Variants in PHEX observed in about 807,000 individuals in gnomAD.
PHEX encodes phosphate-regulating neutral endopeptidase PHEX.
A neutral mutation model predicts 68.0 loss-of-function variants in PHEX; 16 were observed. The ratio of observed to expected loss-of-function variants is 0.24; its 90% CI spans 0.16 to 0.36. The LOEUF (loss-of-function observed/expected upper bound fraction) is 0.36, where lower values mean the gene tolerates loss of function less well. Among genes scored for constraint, PHEX ranks in the 10% least tolerant of loss-of-function variants. PHEX has a pLI of 1.00. For synonymous variants in PHEX, 208 were observed against 205.1 expected, an observed-to-expected ratio of 1.01 and a Z score of -0.12; for missense variants, 480 against 575.5, an observed-to-expected ratio of 0.83 and a Z score of 1.70.
rs1930026062 is a variant in PHEX, at chrX:22,094,087, T to G, written c.837T>G (p.Ile279Met). ...TGAAGTCAGTGCTCAGATTGGAAAT[T>G]AAGATAGCTGAGGTAAGTCTTCACT... The part of the protein sequence containing the change: ...HDMKSVLRLE[I>M]KIAEIMIPHE... Residue 279 changes from isoleucine (I) to methionine (M), a missense_variant, in exon 7 of 22, where the codon ATT becomes ATG. Ile to Met is a conservative substitution (Grantham distance 10). Transcript: ENST00000379374. The G allele has an allele frequency of 1.8e-6, 2 of 1,123,760 alleles. No individual in the cohort carries two copies. Among genetic ancestry groups the G allele is most frequent in the Non-Finnish European group, 2.4e-6 (2 of 817,293 alleles). 92.6% of individuals were successfully genotyped at this position (1,123,760 alleles called of 1,213,427 possible). A position where few individuals can be genotyped will look rare whatever the true frequency, so the allele number is the denominator to read the frequency against.
rs756514204 is a variant in PHEX at position 22,124,238 on chromosome X, G to C, written c.1303-9285G>C. Among the ~76,000 whole-genome samples the C allele has an allele frequency of 1.4e-4, 16 of 111,907 alleles. No individual in the cohort carries two copies. The South Asian group carries it at 3.3e-3, about 23-fold the overall frequency. On this transcript the variant is annotated intron_variant, in intron 11 of 21. Coordinates refer to ENST00000379374, the MANE Select transcript of PHEX (RefSeq NM_000444.6). ...GTGACAGCTCATTTATGCAATCTTCGGTCAAGTAACATCCAGCAAAACAAG... is the reference window on the plus strand; with the variant it reads ...GTGACAGCTCATTTATGCAATCTTCCGTCAAGTAACATCCAGCAAAACAAG...
chrX:22,153,131 A>C lies in PHEX; in HGVS notation c.1405-15181A>C, dbSNP rs780951170. ...CTCAGCTTCCTGAGTAATTGGGACT[A>C]TAGGCATGCACCACAATGCCAAACT... On this transcript the variant is annotated intron_variant, in intron 12 of 21. Transcript: ENST00000379374. Among the ~76,000 whole-genome samples, 5 of 110,812 alleles carry C rather than the reference A, an allele frequency of 4.5e-5. No homozygotes were observed. The East Asian group carries it at 1.1e-3, about 25-fold the overall frequency.
At position 22,077,605 on chromosome X, in the gene PHEX, A is replaced by G; in HGVS notation, c.566A>G (p.Gln189Arg). The G allele has an allele frequency of 1.7e-6, 2 of 1,211,131 alleles. No homozygotes were observed. The highest frequency in any genetic ancestry group is 2.2e-6 in the Non-Finnish European group (2 of 894,863). Residue 189 changes from glutamine (Q) to arginine (R), a missense_variant, in exon 5 of 22, where the codon CAG becomes CGG. Coordinates refer to ENST00000379374, the MANE Select transcript of PHEX (RefSeq NM_000444.6). ...TCAGAGAGAAAGTTCAGCCTTCTGC[A>G]GACACTTGCAACGTTTCGTGGTCAA... ...VWSERKFSLL[Q>R]TLATFRGQYS...
chrX:22,050,928 G>A (rs1249276879), intron 3 of PHEX, among the ~76,000 whole-genome samples: 1 of 111,927 alleles, frequency 8.9e-6, no homozygotes, highest in Non-Finnish European at 1.9e-5. Flanking sequence ...GAAGAAGCTA[G>A]CATTTTGTTT....
At chrX:22,175,650 C>T (rs954824661) in intron 13 of PHEX, among the ~76,000 whole-genome samples, 14 of 111,718 alleles carry the variant, frequency 1.3e-4, no homozygotes, top group African/African-American at 3.9e-4. Flanking sequence ...TGTGCCCAGC[C>T]CTTTAGAAAG....
chrX:22,124,400 T>C (rs1602315593), intron 11 of PHEX, among the ~76,000 whole-genome samples: 1 of 112,331 alleles, frequency 8.9e-6, no homozygotes, highest in East Asian at 2.8e-4. Context: ...CTGGCTAGCA[T>C]TGGGCAGTGT....
chrX:22,200,644 A>G (rs1380501748), intron 15 of PHEX, among the ~76,000 whole-genome samples: 1 of 111,395 alleles, frequency 9.0e-6, no homozygotes, highest in Non-Finnish European at 1.9e-5. Flanking sequence ...AAAAATAGCC[A>G]TGAGATGATA....
intron 12 of PHEX, among the ~76,000 whole-genome samples, chrX:22,150,368 T>A (rs1278181429): frequency 9.0e-6 from 1 of 111,470 alleles, no homozygotes; most frequent in Non-Finnish European, 1.9e-5. Flanking sequence ...TGGACCATAC[T>A]TTGAGAATAT....
chrX:22,213,077 C>T (rs1162803372), intron 16 of PHEX, 119 bp downstream of exon 16: 13 of 596,532 alleles, frequency 2.2e-5, no homozygotes, highest in East Asian at 9.9e-5. Flanking sequence ...TGGAATCTGG[C>T]GTGGGTCGCC....
intron 20 of PHEX, among the ~76,000 whole-genome samples, chrX:22,233,562 T>A (rs1935847600): frequency 9.0e-6 from 1 of 111,226 alleles, no homozygotes; most frequent in Admixed American, 9.6e-5. Context: ...ACTGAGTTGA[T>A]CTTCAATCTC....
rs1935905418 is a variant in PHEX at position 22,234,779 on chromosome X, G to A, written c.2070+7168G>A. 3.8e-5 allele frequency among the ~76,000 whole-genome samples: 4 copies of A among 106,075 alleles called. No individual in the cohort carries two copies. In the South Asian group the frequency reaches 1.3e-3, roughly 33 times the overall value. 92.1% of individuals were successfully genotyped at this position (106,075 alleles called of 115,157 possible). A position where few individuals can be genotyped will look rare whatever the true frequency, so the allele number is the denominator to read the frequency against. ...AGAACCCCTTCTGACGGGAGTGAAC[G>A]GTTCTGTCTTGCTGGCGTTCCCAGC... is the stretch of plus-strand genomic sequence containing the variant. On this transcript the variant is annotated intron_variant, in intron 20 of 21. Coordinates refer to ENST00000379374, the MANE Select transcript of PHEX (RefSeq NM_000444.6).
At chrX:22,219,747 T>C in intron 17 of PHEX, among the ~76,000 whole-genome samples, 1 of 111,008 alleles carries the variant, frequency 9.0e-6, no homozygotes, top group East Asian at 2.9e-4. Flanking sequence ...GCCTCCCGAG[T>C]AGCTGGGATT....
intron 7 of PHEX, among the ~76,000 whole-genome samples, chrX:22,095,968 T>C (rs775813753): frequency 1.1e-4 from 12 of 111,653 alleles, no homozygotes; most frequent in African/African-American, 3.9e-4. Context: ...GTTTTATTGA[T>C]GGAGTAGCCC....
intron 12 of PHEX, among the ~76,000 whole-genome samples, chrX:22,151,468 G>GA (rs1409431568): frequency 9.0e-6 from 1 of 111,642 alleles, no homozygotes; most frequent in East Asian, 2.8e-4. Flanking sequence ...ACAGTGCTAG[G>GA]ATTCCTAAGG....
chrX:22,067,174 G>A (rs1477196766), intron 3 of PHEX, among the ~76,000 whole-genome samples: 1 of 109,990 alleles, frequency 9.1e-6, no homozygotes, highest in East Asian at 2.9e-4. Context: ...CCCAAGAGGC[G>A]GAAGTTGCAG....
intron 10 of PHEX, 59 bp downstream of exon 10, chrX:22,111,619 C>T (rs1419776022): frequency 9.5e-6 from 8 of 843,575 alleles, no homozygotes; most frequent in African/African-American, 2.0e-5. Flanking sequence ...CTGGAATAGT[C>T]CATATATTAA....
intron 11 of PHEX, among the ~76,000 whole-genome samples, chrX:22,126,921 G>A (rs1032107681): frequency 2.4e-5 from 2 of 82,847 alleles, no homozygotes; most frequent in East Asian, 4.2e-4. Context: ...ACCCAGGCTC[G>A]AGTGCAGTGG....
intron 3 of PHEX, among the ~76,000 whole-genome samples, chrX:22,069,849 C>T (rs992486121): frequency 2.2e-4 from 24 of 111,559 alleles, no homozygotes; most frequent in Admixed American, 7.7e-4. Flanking sequence ...ATGAGAGTTA[C>T]GGGATCCACG....
chrX:22,141,520 G>A (rs1602331842), intron 12 of PHEX, among the ~76,000 whole-genome samples: 1 of 107,637 alleles, frequency 9.3e-6, no homozygotes, highest in African/African-American at 3.4e-5. Flanking sequence ...TTTTTTCCCC[G>A]CTCACAGGAA....
Sources: allele counts gnomAD v4.1 joint callset (sites outside exome capture counted in the v4.1 genomes callset), GRCh38; gene constraint gnomAD v4.1.1; transcripts MANE v1.5; gene names NCBI Gene and HGNC (gene_info 2026-07-23, HGNC 2026-07-21).